Variants in MGST3 observed in about 807,000 individuals in gnomAD.
The protein encoded by MGST3 is microsomal glutathione S-transferase 3.
A neutral mutation model predicts 15.8 loss-of-function variants in MGST3; 13 were observed. That is an observed-to-expected ratio of 0.82 (90% confidence interval 0.54 to 1.31). The LOEUF (loss-of-function observed/expected upper bound fraction) is 1.31. MGST3 is among the 50% of genes most tolerant of loss of function. MGST3 has a pLI of 0.00. For missense variants in MGST3, 155 were observed against 192.4 expected, an observed-to-expected ratio of 0.81 and a Z score of 1.15; for synonymous variants, 49 against 68.1, an observed-to-expected ratio of 0.72 and a Z score of 1.38.
intron 1 of MGST3, chr1:165,631,982 G>C (rs1433158785): frequency 2.3e-6 from 1 of 428,892 alleles, no homozygotes; most frequent in Admixed American, 3.6e-5. Flanking sequence ...CTTTATGTGG[G>C]GTGGCAGCAC....
At chr1:165,632,156 A>T in intron 1 of MGST3, 4 of 1,268,536 alleles carry the variant, frequency 3.2e-6, no homozygotes, top group Non-Finnish European at 4.6e-6. Flanking sequence ...AGTGTGGAAG[A>T]CGAGGTAAAG....
At chr1:165,655,344 C>T in intron 5 of MGST3, 24 bp from the exon 6 acceptor site, 1 of 1,613,682 alleles carries the variant, frequency 6.2e-7, no homozygotes, top group Non-Finnish European at 8.5e-7. Context: ...CTCCTGGTAA[C>T]TTCTGTTCTT....
intron 1 of MGST3, among the ~76,000 whole-genome samples, chr1:165,644,423 C>T (rs778579269): frequency 1.8e-4 from 27 of 152,036 alleles, no homozygotes; most frequent in Non-Finnish European, 3.5e-4. Context: ...GATCCAGTAA[C>T]AATATGGTAT....
In MGST3 at chr1:165,652,055, T is replaced by G. The variant is rs749681607; in HGVS notation, c.249+20T>G. 15 of 1,576,586 alleles carry G rather than the reference T, an allele frequency of 9.5e-6. No individual in the cohort carries two copies. The highest frequency in any genetic ancestry group is 1.3e-5 in the Non-Finnish European group (15 of 1,146,218). ...CACCCGGTAAGTTTTCCAGGAGGTG[T>G]TCATCTATTTGGATAGTAGTTCACT... On this transcript the variant is annotated intron_variant, in intron 4 of 5. Coordinates refer to ENST00000367889, the MANE Select transcript of MGST3 (RefSeq NM_004528.4).
chr1:165,644,884 G>A (rs374835216), intron 1 of MGST3, among the ~76,000 whole-genome samples: 53 of 151,994 alleles, frequency 3.5e-4, no homozygotes, highest in East Asian at 2.1e-3. Flanking sequence ...TCAGCCTCCC[G>A]AGCAGCTGGG....
Position 165,651,025 on chromosome 1 carries a change from G to A in MGST3, c.129G>A (p.Met43Ile). The change falls in exon 3 of 6, where the codon ATG (methionine) becomes ATA (isoleucine). Residue 43 changes from methionine (M) to isoleucine (I), a missense_variant. Physicochemically the swap from Met to Ile is conservative, Grantham distance 10. Transcript: ENST00000367889. ...CTTTGTTGTGACAGTATCCTATCAT[G>A]TACAGCACGGACCCTGAAAATGGGC... ...RKKYKVEYPI[M>I]YSTDPENGHI... The A allele has an allele frequency of 1.2e-6, 2 of 1,614,148 alleles. No individual in the cohort carries two copies. Among genetic ancestry groups the A allele is most frequent in the African/African-American group, 2.7e-5 (2 of 75,038 alleles).
intron 1 of MGST3, among the ~76,000 whole-genome samples, chr1:165,643,316 A>T (rs1648308502): frequency 6.6e-6 from 1 of 152,118 alleles, no homozygotes; most frequent in African/African-American, 2.4e-5. Flanking sequence ...TTGCCATCAT[A>T]AATATTGCTG....
At chr1:165,645,026 G>A (rs763095666) in intron 1 of MGST3, among the ~76,000 whole-genome samples, 2 of 152,084 alleles carry the variant, frequency 1.3e-5, no homozygotes, top group African/African-American at 2.4e-5. Flanking sequence ...GTCCCAAAGT[G>A]CTGGGATTAC....
At chr1:165,647,642 C>T (rs190224623) in intron 1 of MGST3, 2 of 152,348 alleles carry the variant, frequency 1.3e-5, no homozygotes, top group Admixed American at 1.3e-4. Flanking sequence ...AGTCTGAAAG[C>T]TCACTCTACT....
At chr1:165,635,278 G>C (rs1383693968) in intron 1 of MGST3, among the ~76,000 whole-genome samples, 3 of 152,290 alleles carry the variant, frequency 2.0e-5, no homozygotes, top group African/African-American at 7.2e-5. Context: ...CCTTATACCT[G>C]CAGGGGAACC....
chr1:165,639,883 A>G (rs941212304), intron 1 of MGST3, among the ~76,000 whole-genome samples: 3 of 152,182 alleles, frequency 2.0e-5, no homozygotes, highest in Non-Finnish European at 2.9e-5. Flanking sequence ...TGATATTTTC[A>G]GTTTTGCTGT....
chr1:165,637,262 G>A (rs1322979226), intron 1 of MGST3: 3 of 152,210 alleles, frequency 2.0e-5, no homozygotes, highest in Non-Finnish European at 4.4e-5. Context: ...ATACACAGAA[G>A]TAGGGACTAC....
intron 4 of MGST3, among the ~76,000 whole-genome samples, chr1:165,652,734 A>G (rs1003116248): frequency 2.0e-5 from 3 of 152,222 alleles, no homozygotes; most frequent in Non-Finnish European, 4.4e-5. Context: ...TTTGGTGAGC[A>G]GTGAGAAGCC....
intron 1 of MGST3, among the ~76,000 whole-genome samples, chr1:165,643,177 A>T (rs1281488175): frequency 6.6e-6 from 1 of 152,114 alleles, no homozygotes; most frequent in Non-Finnish European, 1.5e-5. Flanking sequence ...CCTGCTGTAT[A>T]TTGAGCCTGT....
At position 165,650,202 on chromosome 1, in the gene MGST3, AATGCTGGG is replaced by A. The variant is rs1648514658; in HGVS notation, c.117+241_117+248del. The A allele has an allele frequency of 5.4e-6, 3 of 552,182 alleles. No individual in the cohort carries two copies. In the East Asian group the frequency reaches 9.8e-5, roughly 18 times the overall value. The allele number at this position is 552,182 out of a possible 1,614,324, so 34.2% of individuals were successfully genotyped here. On this transcript the variant is annotated intron_variant, in intron 2 of 5. Coordinates refer to ENST00000367889, the MANE Select transcript of MGST3 (RefSeq NM_004528.4). Reference sequence around the variant, plus strand: ...TTGTCTCTTCGGTAGAAAGACCAGGAATGCTGGGATTCCAATAGTACACTTCTGCTTGG... The same window carrying A: ...TTGTCTCTTCGGTAGAAAGACCAGGAATTCCAATAGTACACTTCTGCTTGG...
intron 1 of MGST3, among the ~76,000 whole-genome samples, chr1:165,644,899 C>T (rs1284863769): frequency 2.0e-5 from 3 of 152,122 alleles, no homozygotes; most frequent in Non-Finnish European, 4.4e-5. Flanking sequence ...GCTGGGATTA[C>T]AGGCACTCAT....
intron 3 of MGST3, 25 bp downstream of exon 3, chr1:165,651,112 C>T (rs1648541475): frequency 3.1e-6 from 5 of 1,607,932 alleles, no homozygotes; most frequent in Non-Finnish European, 4.3e-6. Flanking sequence ...TGCCGGGCAC[C>T]AAAGACATCT....
intron 1 of MGST3, among the ~76,000 whole-genome samples, chr1:165,644,715 T>C (rs9333444): frequency 0.036 from 5,522 of 152,310 alleles, 348 homozygotes; most frequent in African/African-American, 0.13. Flanking sequence ...CTTAAAACAC[T>C]AATACATTGT....
intron 1 of MGST3, 96 bp from the exon 2 acceptor site, chr1:165,649,745 C>T (rs1455934854): frequency 2.0e-5 from 30 of 1,480,260 alleles, no homozygotes; most frequent in East Asian, 4.5e-5. Flanking sequence ...TCTATTTACT[C>T]ATTTGCCAGT....
Sources: gnomAD v4.1 joint callset for allele counts (sites outside exome capture counted in the v4.1 genomes callset) on GRCh38, gnomAD v4.1.1 for gene constraint, MANE v1.5 for transcripts, NCBI Gene and HGNC (gene_info 2026-07-23, HGNC 2026-07-21) for gene names.